Variants in SPATA6 observed in about 807,000 individuals in gnomAD.
SPATA6 encodes the protein spermatogenesis-associated protein 6.
In SPATA6, 56 loss-of-function variants were observed where a neutral mutation model predicts 65.3. The ratio of observed to expected loss-of-function variants is 0.86; its 90% CI spans 0.69 to 1.07. The LOEUF (loss-of-function observed/expected upper bound fraction) is 1.07. SPATA6 is among the 50% of genes least tolerant of loss of function. The pLI is 0.00. For synonymous variants in SPATA6, 199 were observed against 213.2 expected (o/e 0.93, Z 0.58); for missense variants, 590 against 594.8 (o/e 0.99, Z 0.08).
intron 11 of SPATA6, among the ~76,000 whole-genome samples, chr1:48,310,148 A>G (rs907628199): frequency 2.0e-5 from 3 of 152,154 alleles, no homozygotes; most frequent in Non-Finnish European, 2.9e-5. Context: ...GCTATCCACC[A>G]TTTCAGTTGG....
At chr1:48,432,950 AAAAG>A (rs1353833855) in intron 3 of SPATA6, among the ~76,000 whole-genome samples, 1 of 152,194 alleles carries the variant, frequency 6.6e-6, no homozygotes, top group African/African-American at 2.4e-5. Context: ...TTCATCTTTA[AAAAG>A]AAATGAAATT....
intron 3 of SPATA6, among the ~76,000 whole-genome samples, chr1:48,425,365 G>A (rs553407404): frequency 3.3e-5 from 5 of 152,108 alleles, no homozygotes; most frequent in Non-Finnish European, 5.9e-5. Flanking sequence ...CTGCAGAAGG[G>A]AACCTTTTAG....
chr1:48,275,249 T>C, the SPATA6 span, among the ~76,000 whole-genome samples: 1 of 152,218 alleles, frequency 6.6e-6, no homozygotes, highest in Admixed American at 6.5e-5. Flanking sequence ...GCTGAGATGA[T>C]GGGGTTTTCT....
At position 48,296,616 on chromosome 1, in the gene SPATA6, A is replaced by C. The variant is rs1644817036; in HGVS notation, c.*2097T>G. 1 of 152,194 alleles carries C rather than the reference A, an allele frequency of 6.6e-6. No homozygotes were observed. The allele number at this position is 152,194 out of a possible 1,614,324, so 9.4% of individuals were successfully genotyped here. ...AACAGCAACTCTTAAAAGAATTTTC[A>C]CTTATTTTTCCATGGAAAAACACTG... On this transcript the variant is annotated 3_prime_UTR_variant, in exon 13 of 13. Coordinates refer to ENST00000371847, the MANE Select transcript of SPATA6 (RefSeq NM_019073.4).
chr1:48,282,192 A>G, the SPATA6 span, among the ~76,000 whole-genome samples: 2 of 152,258 alleles, frequency 1.3e-5, no homozygotes, highest in Non-Finnish European at 2.9e-5. Context: ...TTCAAGATGG[A>G]TTAAAGACTT....
At chr1:48,459,760 C>A (rs1181682749) in intron 1 of SPATA6, among the ~76,000 whole-genome samples, 1 of 151,876 alleles carries the variant, frequency 6.6e-6, no homozygotes, top group African/African-American at 2.4e-5. Flanking sequence ...TTTAAAAAAT[C>A]ATGCAGAGTA....
downstream of SPATA6, among the ~76,000 whole-genome samples, chr1:48,290,436 A>G (rs929941148): frequency 2.0e-5 from 3 of 152,242 alleles, no homozygotes; most frequent in Admixed American, 2.0e-4. Flanking sequence ...AAGAAACTGC[A>G]TCAACTAACG....
rs375289495 is a variant in SPATA6, at chr1:48,430,615, C to T, written c.239-17464G>A. 1.4e-4 allele frequency among the ~76,000 whole-genome samples: 21 copies of T among 152,136 alleles called. 1 individual carries two copies. Among genetic ancestry groups the T allele is most frequent in the African/African-American group, 5.1e-4 (21 of 41,438 alleles). On this transcript the variant is annotated intron_variant, in intron 3 of 12. Coordinates refer to ENST00000371847, the MANE Select transcript of SPATA6 (RefSeq NM_019073.4). ...ACTATAACAATGGGTTGTAACTCCA[C>T]ATTTTTGTTTGCAATGTATTTTCAA... is the stretch of plus-strand genomic sequence containing the variant.
chr1:48,420,660 G>C (rs576897248), intron 3 of SPATA6, among the ~76,000 whole-genome samples: 1 of 152,264 alleles, frequency 6.6e-6, no homozygotes, highest in South Asian at 2.1e-4. Flanking sequence ...AGAGAATAGA[G>C]AAAAACATGG....
rs147360910 is a variant in SPATA6 at position 48,299,981 on chromosome 1, T to C, written c.1287-1088A>G. ...AAGAGTTTGAAGTGAAAGGATCAAC[T>C]GTAGTTTTGAGGGTCTTAAGGAAAA... On this transcript the variant is annotated intron_variant, in intron 12 of 12. Transcript: ENST00000371847. Among the ~76,000 whole-genome samples, 497 of 152,134 alleles carry C rather than the reference T, an allele frequency of 3.3e-3. 6 individuals carry two copies. Among genetic ancestry groups the C allele is most frequent in the African/African-American group, 0.011 (472 of 41,482 alleles).
intron 3 of SPATA6, among the ~76,000 whole-genome samples, chr1:48,420,784 T>C (rs1333502355): frequency 2.6e-5 from 4 of 152,128 alleles, no homozygotes; most frequent in African/African-American, 9.7e-5. Context: ...GATGTGACAT[T>C]TGATATAATG....
chr1:48,326,827 C>A (rs1645775963), intron 11 of SPATA6, among the ~76,000 whole-genome samples: 1 of 152,132 alleles, frequency 6.6e-6, no homozygotes. Context: ...GGACCCTTAT[C>A]TCTCACCATA....
At chr1:48,266,739 G>C in the SPATA6 span, among the ~76,000 whole-genome samples, 1 of 152,120 alleles carries the variant, frequency 6.6e-6, no homozygotes, top group African/African-American at 2.4e-5. Context: ...CAGGTTTCCA[G>C]TGGAAGTGAA....
chr1:48,287,608 TTC>T, the SPATA6 span, among the ~76,000 whole-genome samples: 2 of 151,530 alleles, frequency 1.3e-5, no homozygotes, highest in Non-Finnish European at 1.5e-5. Context: ...GGCCTCTCCC[TTC>T]TCTCTCTCTC....
intron 10 of SPATA6, among the ~76,000 whole-genome samples, chr1:48,358,552 A>C (rs890903565): frequency 2.0e-5 from 3 of 152,142 alleles, no homozygotes; most frequent in Non-Finnish European, 4.4e-5. Context: ...AGGAGCACCA[A>C]CTGTACGTCT....
At chr1:48,369,420 G>A (rs571524222) in intron 9 of SPATA6, among the ~76,000 whole-genome samples, 102 of 152,330 alleles carry the variant, frequency 6.7e-4, no homozygotes, top group East Asian at 2.3e-3. Context: ...GAGCTGTGGT[G>A]GGCTCCACCC....
the SPATA6 span, among the ~76,000 whole-genome samples, chr1:48,267,717 G>C: frequency 1.4e-5 from 2 of 146,982 alleles, no homozygotes; most frequent in Non-Finnish European, 3.0e-5. Flanking sequence ...TCCTCTCGAC[G>C]TCCAGCGCTC....
At position 48,324,742 on chromosome 1, in the gene SPATA6, C is replaced by T. The variant is rs528042793; in HGVS notation, c.1195-18864G>A. 1.6e-3 allele frequency among the ~76,000 whole-genome samples: 238 copies of T among 152,136 alleles called. 1 individual carries two copies. Among genetic ancestry groups the T allele is most frequent in the African/African-American group, 5.4e-3 (225 of 41,498 alleles). On this transcript the variant is annotated intron_variant, in intron 11 of 12. Transcript: ENST00000371847. ...AACAGACCCACAGCTAGTATCATAC[C>T]GAGTCGGGAATAAGTGAAAACCCTT...
At chr1:48,456,699 A>C (rs1307687213) in intron 1 of SPATA6, among the ~76,000 whole-genome samples, 1 of 152,194 alleles carries the variant, frequency 6.6e-6, no homozygotes, top group Non-Finnish European at 1.5e-5. Flanking sequence ...TAACAGAACC[A>C]AATAAAAATT....
Sources: gnomAD v4.1 joint callset for allele counts (sites outside exome capture counted in the v4.1 genomes callset) on GRCh38, gnomAD v4.1.1 for gene constraint, MANE v1.5 for transcripts, NCBI Gene and HGNC (gene_info 2026-07-23, HGNC 2026-07-21) for gene names.